ANK3: variants seen among roughly 807,000 people sequenced by gnomAD.
ANK3 encodes ankyrin-3.
ANK3 carries 57 observed loss-of-function variants against 370.9 expected under a neutral mutation model. That is an observed-to-expected ratio of 0.15 (90% CI 0.12 to 0.19). ANK3 has a LOEUF of 0.19. Ranked by LOEUF, ANK3 falls within the 10% of genes least tolerant of loss-of-function variation. The probability of loss-of-function intolerance (pLI) is 1.00; values close to 1 mark genes in which losing one functional copy is unlikely to be tolerated. For synonymous variants in ANK3, 1,929 were observed against 1,946.3 expected, an observed-to-expected ratio of 0.99 and a Z score of 0.23; for missense variants, 4,439 against 5,302.1, an observed-to-expected ratio of 0.84 and a Z score of 5.06.
At chr10:60,283,728 G>T (rs747687782) in intron 1 of ANK3, among the ~76,000 whole-genome samples, 2 of 151,956 alleles carry the variant, frequency 1.3e-5, no homozygotes, top group East Asian at 3.8e-4. Flanking sequence ...CATCTTTACC[G>T]GCAGTGGAAT....
At chr10:60,272,310 A>AAGAAG in intron 4 of ANK3, among the ~76,000 whole-genome samples, 1 of 150,854 alleles carries the variant, frequency 6.6e-6, no homozygotes, top group African/African-American at 2.5e-5. Flanking sequence ...TAAGCAACAA[A>AAGAAG]ACAAGAAAAG....
intron 1 of ANK3, among the ~76,000 whole-genome samples, chr10:60,287,978 G>A (rs908070371): frequency 5.9e-5 from 9 of 152,134 alleles, no homozygotes; most frequent in Admixed American, 5.9e-4. Context: ...CCACTTCTAT[G>A]GCATAGGCTC....
intron 23 of ANK3, chr10:60,145,841 A>G: frequency 1.6e-6 from 1 of 607,070 alleles, no homozygotes; most frequent in East Asian, 2.8e-5. Flanking sequence ...GTTTTGCTTC[A>G]TATCATTGCC....
chr10:60,075,814 A>G lies in ANK3; in HGVS notation c.5067T>C (p.Ile1689=). The part of the protein sequence containing the change: ...VSPVKSAVDV[I]SSAKITMASS... ...ATGCCATTGTAATTTTGGCTGATGA[A>G]ATGACATCAACTGCTGATTTAACTG... Residue 1689 remains isoleucine (I), a synonymous_variant, in exon 37 of 44, where the codon ATT becomes ATC. Coordinates refer to ENST00000280772, the MANE Select transcript of ANK3 (RefSeq NM_020987.5). The G allele has an allele frequency of 9.3e-6, 15 of 1,614,166 alleles. No homozygotes were observed. The highest frequency in any genetic ancestry group is 1.3e-5 in the Non-Finnish European group (15 of 1,180,004).
intron 23 of ANK3, among the ~76,000 whole-genome samples, chr10:60,165,729 A>G (rs1450899996): frequency 6.6e-6 from 1 of 152,220 alleles, no homozygotes; most frequent in Admixed American, 6.5e-5. Context: ...AGACTAACCA[A>G]AAGAAAGCTA....
chr10:60,699,181 A>T (rs1476108951), intron 1 of ANK3, among the ~76,000 whole-genome samples: 2 of 151,946 alleles, frequency 1.3e-5, no homozygotes, highest in East Asian at 3.9e-4. Context: ...TGCAGTGTGT[A>T]CTGCTCGGGT....
intron 2 of ANK3, among the ~76,000 whole-genome samples, chr10:60,424,315 G>A (rs1276513685): frequency 6.6e-6 from 1 of 151,734 alleles, no homozygotes; most frequent in Admixed American, 6.6e-5. Flanking sequence ...CATTTGATAA[G>A]GTCACCAATA....
intron 2 of ANK3, among the ~76,000 whole-genome samples, chr10:60,412,348 G>A (rs2132932287): frequency 6.6e-6 from 1 of 152,250 alleles, no homozygotes; most frequent in African/African-American, 2.4e-5. Flanking sequence ...CTTCCTGCCT[G>A]ATTGCCTGAA....
rs151278674 is a variant in ANK3, at chr10:60,059,807, A to G, written c.12596-377T>C. ...TGTCTTCTAAGGAAGCGTCTTCTGC[A>G]GTTACGACTGGAGGTCCATCTGCGG... On this transcript the variant is annotated intron_variant, in intron 40 of 43. Coordinates refer to ENST00000280772, the MANE Select transcript of ANK3 (RefSeq NM_020987.5). The G allele has an allele frequency of 3.6e-4, 576 of 1,614,256 alleles. 1 individual carries two copies. The African/African-American group carries it at 6.6e-3, about 19-fold the overall frequency.
At chr10:60,199,923 C>G (rs2096647075) in intron 13 of ANK3, among the ~76,000 whole-genome samples, 1 of 152,144 alleles carries the variant, frequency 6.6e-6, no homozygotes, top group Non-Finnish European at 1.5e-5. Flanking sequence ...CTCATCTCAT[C>G]CTATTTCATT....
intron 1 of ANK3, among the ~76,000 whole-genome samples, chr10:60,323,285 T>A (rs1388484627): frequency 6.6e-6 from 1 of 152,180 alleles, no homozygotes; most frequent in Non-Finnish European, 1.5e-5. Flanking sequence ...GGAGCATTCA[T>A]CCTTTAGCTC....
At chr10:60,296,894 C>A (rs897620816) in intron 1 of ANK3, among the ~76,000 whole-genome samples, 1 of 152,128 alleles carries the variant, frequency 6.6e-6, no homozygotes, top group Non-Finnish European at 1.5e-5. Flanking sequence ...GTGGGAGGAT[C>A]GCTTGAACCT....
intron 43 of ANK3, among the ~76,000 whole-genome samples, chr10:60,033,403 T>C (rs1040871908): frequency 6.7e-6 from 1 of 149,612 alleles, no homozygotes; most frequent in African/African-American, 2.5e-5. Context: ...TAATCCCAAC[T>C]ACTCAGGAGG....
chr10:60,708,494 AG>A (rs2079651295), intron 1 of ANK3, among the ~76,000 whole-genome samples: 1 of 152,162 alleles, frequency 6.6e-6, no homozygotes, highest in African/African-American at 2.4e-5. Flanking sequence ...GAGCCCCACA[AG>A]TTTCTCAGAG....
intron 11 of ANK3, among the ~76,000 whole-genome samples, chr10:60,204,031 G>C (rs568271375): frequency 1.0e-3 from 155 of 152,116 alleles, no homozygotes; most frequent in African/African-American, 3.4e-3. Flanking sequence ...TTTTAAAAAA[G>C]GGACAGAAGG....
chr10:60,374,800 T>C (rs1434894515), intron 1 of ANK3, among the ~76,000 whole-genome samples: 2 of 152,166 alleles, frequency 1.3e-5, no homozygotes, highest in African/African-American at 4.8e-5. Context: ...AATAAGAGAT[T>C]CGTTGGTACT....
chr10:60,706,405 C>T (rs2079617875), intron 1 of ANK3, among the ~76,000 whole-genome samples: 1 of 152,104 alleles, frequency 6.6e-6, no homozygotes, highest in Non-Finnish European at 1.5e-5. Flanking sequence ...CCCAAGATAA[C>T]CTCCCCTCTG....
intron 1 of ANK3, among the ~76,000 whole-genome samples, chr10:60,377,667 T>C (rs1450137243): frequency 2.0e-5 from 3 of 152,174 alleles, no homozygotes; most frequent in African/African-American, 7.2e-5. Context: ...AGTAAAAGCC[T>C]TCTCCAAATG....
At chr10:60,082,468 C>G (rs2085509842) in intron 34 of ANK3, 147 bp downstream of exon 34, 1 of 1,131,398 alleles carries the variant, frequency 8.8e-7, no homozygotes, top group Non-Finnish European at 1.2e-6. Context: ...ACCACATTAA[C>G]AAGACTTAGG....
Sources: gnomAD v4.1 joint callset for allele counts (sites outside exome capture counted in the v4.1 genomes callset) on GRCh38, gnomAD v4.1.1 for gene constraint, MANE v1.5 for transcripts, NCBI Gene and HGNC (gene_info 2026-07-23, HGNC 2026-07-21) for gene names.